GFPT1: variants seen among roughly 807,000 people sequenced by gnomAD.
GFPT1 encodes the protein glutamine--fructose-6-phosphate aminotransferase [isomerizing] 1.
Under a neutral mutation model 92.0 loss-of-function variants are expected in GFPT1, and 40 were observed. The ratio of observed to expected loss-of-function variants is 0.43; its 90% confidence interval spans 0.34 to 0.57. GFPT1 has a LOEUF of 0.57. Among genes scored for constraint, GFPT1 ranks in the 20% least tolerant of loss-of-function variants. The pLI, the probability that GFPT1 is intolerant of heterozygous loss-of-function variation, is 0.02. For missense variants in GFPT1, 448 were observed against 869.1 expected (o/e 0.52, Z 6.09); for synonymous variants, 269 against 280.6 (o/e 0.96, Z 0.41).
intron 1 of GFPT1, among the ~76,000 whole-genome samples, chr2:69,384,427 T>C (rs1430460979): frequency 6.6e-6 from 1 of 151,754 alleles, no homozygotes; most frequent in Non-Finnish European, 1.5e-5. Flanking sequence ...TTTAGGCAAA[T>C]TTAACTAGGG....
intron 1 of GFPT1, among the ~76,000 whole-genome samples, chr2:69,380,570 TCA>T (rs1671985237): frequency 2.0e-5 from 3 of 152,136 alleles, no homozygotes; most frequent in Admixed American, 2.0e-4. Context: ...ATACATTCCC[TCA>T]CAGTCAACCT....
At chr2:69,338,713 A>ATT (rs1253147329) in intron 13 of GFPT1, 148 bp from the exon 14 acceptor site, 82 of 676,694 alleles carry the variant, frequency 1.2e-4, no homozygotes, top group African/African-American at 6.8e-4. Flanking sequence ...AAATATTTAA[A>ATT]AAAAAAAAAT....
Position 69,382,149 on chromosome 2 carries a change from C to A in GFPT1, c.7+4916G>T, listed in dbSNP as rs564670774. 2.6e-5 allele frequency among the ~76,000 whole-genome samples: 4 copies of A among 152,296 alleles called. No individual in the cohort carries two copies. In the East Asian group the frequency reaches 7.7e-4, roughly 29 times the overall value. On this transcript the variant is annotated intron_variant, in intron 1 of 19. Transcript: ENST00000357308. ...AAAATGCTGGTATTACCAGAGGGAA[C>A]CCCACACTGGGCCTTACTCCTAACT...
intron 12 of GFPT1, among the ~76,000 whole-genome samples, chr2:69,343,442 G>A (rs1377462213): frequency 2.0e-5 from 3 of 147,792 alleles, no homozygotes; most frequent in African/African-American, 7.5e-5. Context: ...ACAGAGTCTT[G>A]CTCTGTAGCC....
chr2:69,326,133 A>G lies in GFPT1; in HGVS notation c.*56T>C, dbSNP rs112106185. 2.2e-4 allele frequency: 252 copies of G among 1,135,810 alleles called. No individual in the cohort carries two copies. In the African/African-American group the frequency reaches 3.0e-3, roughly 14 times the overall value. 70.4% of individuals were successfully genotyped at this position (1,135,810 alleles called of 1,614,324 possible). A position where few individuals can be genotyped will look rare whatever the true frequency, so the allele number is the denominator to read the frequency against. On this transcript the variant is annotated 3_prime_UTR_variant, in exon 20 of 20. Coordinates refer to ENST00000357308, the MANE Select transcript of GFPT1 (RefSeq NM_001244710.2). ...ATTTTAAATCAAGGTTTTAAATACA[A>G]AAGGTGTCTTGTGTTGCTTAATCAT...
chr2:69,358,985 C>T (rs1472897854), intron 5 of GFPT1, among the ~76,000 whole-genome samples: 1 of 152,204 alleles, frequency 6.6e-6, no homozygotes, highest in Non-Finnish European at 1.5e-5. Flanking sequence ...GCATGACAAT[C>T]TCTCAGAATG....
Sources: gnomAD v4.1 joint callset for allele counts (sites outside exome capture counted in the v4.1 genomes callset) on GRCh38, gnomAD v4.1.1 for gene constraint, MANE v1.5 for transcripts, NCBI Gene and HGNC (gene_info 2026-07-23, HGNC 2026-07-21) for gene names.